The following C11orf65 variants were observed in gnomAD, a reference collection of about 807,000 sequenced individuals.
C11orf65 encodes chromosome 11 open reading frame 65.
In C11orf65, 38 loss-of-function variants were observed where a neutral mutation model predicts 35.3. That is an observed-to-expected ratio of 1.08 (90% CI 0.83 to 1.41). The LOEUF (loss-of-function observed/expected upper bound fraction) is 1.41. Ranked by LOEUF, C11orf65 falls within the 40% of genes most tolerant of loss-of-function variation. The pLI is 0.00. For synonymous variants in C11orf65, 105 were observed against 114.4 expected (o/e 0.92, Z 0.53); for missense variants, 370 against 367.1 (o/e 1.01, Z -0.06).
At chr11:108,450,178 G>A (rs2093327089) in intron 2 of C11orf65, among the ~76,000 whole-genome samples, 1 of 151,984 alleles carries the variant, frequency 6.6e-6, no homozygotes, top group African/African-American at 2.4e-5. Context: ...CTTTTACACT[G>A]TTGGTGGGAC....
intron 2 of C11orf65, among the ~76,000 whole-genome samples, chr11:108,376,042 C>T (rs1209425891): frequency 6.6e-6 from 1 of 152,068 alleles, no homozygotes; most frequent in Non-Finnish European, 1.5e-5. Context: ...TAATGGGAGA[C>T]TTTAACACCC....
chr11:108,333,555 T>C (rs999671641), intron 3 of C11orf65, among the ~76,000 whole-genome samples: 1 of 152,258 alleles, frequency 6.6e-6, no homozygotes, highest in Non-Finnish European at 1.5e-5. Flanking sequence ...TTAGTTGCAT[T>C]TAATGGTAAT....
At position 108,317,635 on chromosome 11, in the gene C11orf65, A is replaced by G; in HGVS notation, c.641-8564T>C. On this transcript the variant is annotated intron_variant, in intron 6 of 6. Transcript: ENST00000525729. ...TTGTTTTATATATATATATATATAT[A>G]TATATATATATATATATACACACAC... The G allele has an allele frequency of 1.1e-5, 2 of 175,936 alleles. 1 individual carries two copies. The highest frequency in any genetic ancestry group is 7.0e-5 in the African/African-American group (2 of 28,432). 10.9% of individuals were successfully genotyped at this position (175,936 alleles called of 1,614,324 possible). A position where few individuals can be genotyped will look rare whatever the true frequency, so the allele number is the denominator to read the frequency against.
chr11:108,378,463 C>T (rs1342900930), downstream of C11orf65, among the ~76,000 whole-genome samples: 2 of 134,670 alleles, frequency 1.5e-5, no homozygotes, highest in East Asian at 4.0e-4. Flanking sequence ...TTCCTTACAC[C>T]TTATACAAAA....
Position 108,332,047 on chromosome 11 carries a change from T to C in C11orf65, c.300-480A>G, listed in dbSNP as rs1555124759. 2 of 1,613,344 alleles carry C rather than the reference T, an allele frequency of 1.2e-6. No individual in the cohort carries two copies. Among genetic ancestry groups the C allele is most frequent in the Non-Finnish European group, 1.7e-6 (2 of 1,179,522 alleles). On this transcript the variant is annotated intron_variant, in intron 3 of 3. Coordinates refer to the C11orf65 transcript ENST00000524755. ...CTCTCAGCTTGATGAGGTATTTGGA[T>C]TAAACATACGTACCTTTTAGAAGTG...
In C11orf65 at chr11:108,365,416, A is replaced by G. The variant is rs763152094; in HGVS notation, c.226+27792T>C. The G allele has an allele frequency of 6.2e-7, 1 of 1,614,248 alleles. No homozygotes were observed. Among genetic ancestry groups the G allele is most frequent in the Non-Finnish European group, 8.5e-7 (1 of 1,180,048 alleles). ...AGGAGTGGAAGAAGGCACTGTGCTC[A>G]GTGTTGGTGGACAAGTGAATTTGCT... On this transcript the variant is annotated intron_variant, in intron 2 of 3. Transcript: ENST00000524755.
chr11:108,393,909 G>A (rs535572138), intron 6 of C11orf65, among the ~76,000 whole-genome samples: 4 of 152,118 alleles, frequency 2.6e-5, no homozygotes, highest in South Asian at 4.2e-4. Flanking sequence ...CAGGCCCAGC[G>A]CGGTGGCTCA....
chr11:108,429,219 G>T (rs2092951782), intron 3 of C11orf65, among the ~76,000 whole-genome samples: 1 of 152,040 alleles, frequency 6.6e-6, no homozygotes, highest in Non-Finnish European at 1.5e-5. Context: ...TTGATAAATT[G>T]AACTACATTA....
chr11:108,361,190 A>G (rs1256110046), intron 2 of C11orf65, among the ~76,000 whole-genome samples: 1 of 114,424 alleles, frequency 8.7e-6, no homozygotes, highest in Non-Finnish European at 1.8e-5. Context: ...GTGAACTCCC[A>G]TTCACAATTG....
chr11:108,401,653 T>A (rs1424800778), intron 6 of C11orf65, among the ~76,000 whole-genome samples: 1 of 152,118 alleles, frequency 6.6e-6, no homozygotes, highest in Non-Finnish European at 1.5e-5. Flanking sequence ...CCCAACCCCA[T>A]GAAATGCTTA....
At chr11:108,452,790 C>T (rs1468007066) in intron 2 of C11orf65, among the ~76,000 whole-genome samples, 1 of 151,978 alleles carries the variant, frequency 6.6e-6, no homozygotes, top group African/African-American at 2.4e-5. Flanking sequence ...GAAAATGTGG[C>T]ACATACACAC....
chr11:108,331,417 A>C (rs762228059), exon 4 of C11orf65: 29 of 1,607,390 alleles, frequency 1.8e-5, no homozygotes, highest in Non-Finnish European at 2.5e-5. Flanking sequence ...CTTGTTTCTT[A>C]ATTTTGTGTC....
intron 2 of C11orf65, chr11:108,335,437 C>G (rs922379237): frequency 3.6e-6 from 2 of 556,584 alleles, no homozygotes; most frequent in African/African-American, 3.8e-5. Context: ...AGTTGACGTC[C>G]TTTGCATCAG....
In C11orf65 at chr11:108,372,057, T is replaced by C. The variant is rs186686675; in HGVS notation, c.226+21151A>G. Among the ~76,000 whole-genome samples the C allele has an allele frequency of 1.7e-3, 266 of 152,354 alleles. 1 individual carries two copies. Among genetic ancestry groups the C allele is most frequent in the Middle Eastern group, 6.8e-3 (2 of 294 alleles). ...TTTCAAAACCTGATTCTGTGTATTG[T>C]TGTTAACCTTGTTAGGAGATCGTAA... On this transcript the variant is annotated intron_variant, in intron 2 of 3. Coordinates refer to the C11orf65 transcript ENST00000524755.
At chr11:108,380,775 T>G (rs557569957), downstream of C11orf65, among the ~76,000 whole-genome samples, 1 of 152,308 alleles carries the variant, frequency 6.6e-6, no homozygotes, top group Non-Finnish European at 1.5e-5. Flanking sequence ...TCAGACCCAT[T>G]CTTGTTTGGA....
rs2136658802 is a variant in C11orf65, at chr11:108,335,034, A to G, written c.299+186T>C. On this transcript the variant is annotated intron_variant, in intron 3 of 3. Coordinates refer to the C11orf65 transcript ENST00000524755. ...AGTCATTTAAAGCAGAATTTCGCTTAGCAGGAGGTGTAAATTTACCAAAAA... is the reference window on the plus strand; with the variant it reads ...AGTCATTTAAAGCAGAATTTCGCTTGGCAGGAGGTGTAAATTTACCAAAAA... 1 of 1,614,128 alleles carries G rather than the reference A, an allele frequency of 6.2e-7. No individual in the cohort carries two copies. The highest frequency in any genetic ancestry group is 8.5e-7 in the Non-Finnish European group (1 of 1,179,972).
At chr11:108,420,023 T>C (rs1408362691) in intron 3 of C11orf65, among the ~76,000 whole-genome samples, 2 of 152,216 alleles carry the variant, frequency 1.3e-5, no homozygotes, top group South Asian at 2.1e-4. Context: ...GTACACATTA[T>C]TAGAATTAAT....
At chr11:108,399,076 T>C (rs1461060526) in intron 6 of C11orf65, among the ~76,000 whole-genome samples, 1 of 152,102 alleles carries the variant, frequency 6.6e-6, no homozygotes, top group Non-Finnish European at 1.5e-5. Flanking sequence ...TTGTTGAGTC[T>C]ATATAGGGCC....
intron 6 of C11orf65, among the ~76,000 whole-genome samples, chr11:108,325,054 T>G (rs987261115): frequency 3.9e-5 from 6 of 152,104 alleles, no homozygotes; most frequent in African/African-American, 1.4e-4. Context: ...AATGTCAGAG[T>G]ATTAAAAATT....
Sources: allele counts gnomAD v4.1 joint callset (sites outside exome capture counted in the v4.1 genomes callset), GRCh38; gene constraint gnomAD v4.1.1; transcripts MANE v1.5; gene names NCBI Gene and HGNC (gene_info 2026-07-23, HGNC 2026-07-21).